The following FBXO11 variants were observed in gnomAD, a reference collection of about 807,000 sequenced individuals.
The protein encoded by FBXO11 is F-box protein 11, also known as F-box only protein 11.
In FBXO11, 13 loss-of-function variants were observed where a neutral mutation model predicts 117.0. That is an observed-to-expected ratio of 0.11 (90% confidence interval 0.07 to 0.18). FBXO11 has a LOEUF of 0.18. FBXO11 is among the 10% of genes least tolerant of loss of function. FBXO11 has a pLI of 1.00. For missense variants in FBXO11, 767 were observed against 1,164.4 expected (o/e 0.66, Z 4.97); for synonymous variants, 490 against 380.5 (o/e 1.29, Z -3.35).
At chr2:47,814,037 G>A in intron 16 of FBXO11, 170 bp from the exon 17 acceptor site, 1 of 551,304 alleles carries the variant, frequency 1.8e-6, no homozygotes. Flanking sequence ...GCTTAATCCT[G>A]TATTTCCCAC....
intron 1 of FBXO11, among the ~76,000 whole-genome samples, chr2:47,898,753 G>C (rs79209129): frequency 2.8e-4 from 42 of 152,280 alleles, no homozygotes; most frequent in South Asian, 1.2e-3. Context: ...AGATGGTATA[G>C]AACAGGGGAC....
chr2:47,853,323 G>C (rs1674022044), intron 1 of FBXO11, among the ~76,000 whole-genome samples: 1 of 151,926 alleles, frequency 6.6e-6, no homozygotes, highest in Non-Finnish European at 1.5e-5. Flanking sequence ...ACCTGCCTCG[G>C]CCTCCCACAG....
chr2:47,846,992 C>G (rs143335394), intron 1 of FBXO11, among the ~76,000 whole-genome samples: 52 of 152,268 alleles, frequency 3.4e-4, no homozygotes, highest in Admixed American at 1.2e-3. Context: ...CATCTGTAAT[C>G]CCTGCACTTT....
At chr2:47,895,939 C>T (rs1234343311) in intron 1 of FBXO11, among the ~76,000 whole-genome samples, 1 of 152,250 alleles carries the variant, frequency 6.6e-6, no homozygotes, top group East Asian at 1.9e-4. Flanking sequence ...TCGTGATCCA[C>T]TCGCCTCAGC....
At chr2:47,833,539 C>G (rs1211863920) in intron 7 of FBXO11, among the ~76,000 whole-genome samples, 1 of 152,132 alleles carries the variant, frequency 6.6e-6, no homozygotes, top group Non-Finnish European at 1.5e-5. Context: ...GCTGTAAATG[C>G]AAATTTCACT....
At chr2:47,834,130 A>G (rs549050327) in intron 7 of FBXO11, among the ~76,000 whole-genome samples, 1 of 152,316 alleles carries the variant, frequency 6.6e-6, no homozygotes, top group Admixed American at 6.5e-5. Context: ...TGGGCAAATC[A>G]CTTGAGGCCA....
At chr2:47,850,038 ACGAGTAAGGGAG>A (rs1673736132) in intron 1 of FBXO11, among the ~76,000 whole-genome samples, 1 of 152,222 alleles carries the variant, frequency 6.6e-6, no homozygotes, top group East Asian at 1.9e-4. Flanking sequence ...GTGGCAGGAG[ACGAGTAAGGGAG>A]CTACAGCACA....
rs542784980 is a variant in FBXO11 at position 47,844,497 on chromosome 2, C to CA, written c.233-4729dup. ...AGACCCCTTAGAACATATGCAGGAC[C>CA]AAAAGCCCCCTGTGCTATATACAGC... On this transcript the variant is annotated intron_variant, in intron 1 of 22. Coordinates refer to ENST00000403359, the MANE Select transcript of FBXO11 (RefSeq NM_001190274.2). Among the ~76,000 whole-genome samples the CA allele has an allele frequency of 1.4e-4, 21 of 151,458 alleles. No homozygotes were observed. The South Asian group carries it at 4.4e-3, about 32-fold the overall frequency.
At chr2:47,818,064 G>A (rs1351639670) in intron 16 of FBXO11, among the ~76,000 whole-genome samples, 6 of 152,226 alleles carry the variant, frequency 3.9e-5, no homozygotes, top group Non-Finnish European at 8.8e-5. Context: ...GCGGTGAGCC[G>A]AGATCGTGCC....
intron 1 of FBXO11, among the ~76,000 whole-genome samples, chr2:47,863,065 A>C (rs868697670): frequency 6.6e-6 from 1 of 151,454 alleles, no homozygotes; most frequent in Non-Finnish European, 1.5e-5. Flanking sequence ...CAAAAAAAAA[A>C]AAAAAACAAA....
intron 21 of FBXO11, 189 bp from the exon 22 acceptor site, chr2:47,808,616 C>G (rs1170067186): frequency 8.0e-6 from 4 of 501,720 alleles, no homozygotes; most frequent in African/African-American, 7.8e-5. Flanking sequence ...TCTGTGTCTT[C>G]GGAGGGAAGA....
chr2:47,904,770 AG>A (rs1014170888), intron 1 of FBXO11, among the ~76,000 whole-genome samples: 3 of 151,908 alleles, frequency 2.0e-5, no homozygotes, highest in Middle Eastern at 3.2e-3. Context: ...CACACGAGGG[AG>A]GGGGCTGGAA....
At chr2:47,888,193 A>G (rs1677009641) in intron 1 of FBXO11, among the ~76,000 whole-genome samples, 1 of 152,200 alleles carries the variant, frequency 6.6e-6, no homozygotes, top group South Asian at 2.1e-4. Flanking sequence ...TAAACAGATC[A>G]GTAGGTCCAA....
chr2:47,833,068 G>C lies in FBXO11; in HGVS notation c.937C>G (p.Pro313Ala), dbSNP rs745529478. The part of the protein sequence containing the change: ...ESPITMIGAA[P>A]GKVADKVIIE... Reference sequence around the variant, plus strand: ...ATAACTTTGTCTGCCACTTTCCCAGGTGCTGTGGAGAAGATATTTTAAAGA... The same window carrying C: ...ATAACTTTGTCTGCCACTTTCCCAGCTGCTGTGGAGAAGATATTTTAAAGA... Residue 313 changes from proline to alanine, a missense_variant and splice_region_variant, in exon 8 of 23, where the codon CCT (proline) becomes GCT (alanine). Transcript: ENST00000403359. 12 of 1,600,538 alleles carry C rather than the reference G, an allele frequency of 7.5e-6. No homozygotes were observed. Among genetic ancestry groups the C allele is most frequent in the Admixed American group, 5.0e-5 (3 of 59,840 alleles).
In FBXO11 at chr2:47,823,497, G is replaced by C. The variant is rs1467951033; in HGVS notation, c.1399-137C>G. 10 of 685,426 alleles carry C rather than the reference G, an allele frequency of 1.5e-5. No homozygotes were observed. The East Asian group carries it at 2.8e-4, about 19-fold the overall frequency. The allele number at this position is 685,426 out of a possible 1,614,324, so 42.5% of individuals were successfully genotyped here. A position where few individuals can be genotyped will look rare whatever the true frequency, so the allele number is the denominator to read the frequency against. On this transcript the variant is annotated intron_variant, in intron 11 of 22. Transcript: ENST00000403359. The stretch of plus-strand genomic sequence containing the variant: ...AGGCTGGGCGTGGTGACTCACGCCT[G>C]TTAATCCCAGCACTTTGGGAGCCCT...
At chr2:47,884,716 T>C (rs1676686325) in intron 1 of FBXO11, among the ~76,000 whole-genome samples, 1 of 150,400 alleles carries the variant, frequency 6.6e-6, no homozygotes, top group Admixed American at 6.6e-5. Flanking sequence ...TTTTGAAGTA[T>C]TTTTTAAAAG....
chr2:47,821,621 A>G (rs1572781978), intron 13 of FBXO11, among the ~76,000 whole-genome samples: 1 of 151,336 alleles, frequency 6.6e-6, no homozygotes, highest in South Asian at 2.1e-4. Flanking sequence ...AAAGAAAAAA[A>G]AAAAAAAGCA....
At chr2:47,869,023 C>A (rs546523046) in intron 1 of FBXO11, among the ~76,000 whole-genome samples, 2 of 152,286 alleles carry the variant, frequency 1.3e-5, no homozygotes, top group Non-Finnish European at 1.5e-5. Flanking sequence ...GATTCAGTTA[C>A]AACGTTAGCT....
intron 1 of FBXO11, among the ~76,000 whole-genome samples, chr2:47,856,273 C>T (rs1191068476): frequency 6.6e-6 from 1 of 152,126 alleles, no homozygotes; most frequent in Non-Finnish European, 1.5e-5. Flanking sequence ...CACACAGAGA[C>T]TTATAAAGTT....
Sources: gnomAD v4.1 joint callset for allele counts (sites outside exome capture counted in the v4.1 genomes callset) on GRCh38, gnomAD v4.1.1 for gene constraint, MANE v1.5 for transcripts, NCBI Gene and HGNC (gene_info 2026-07-23, HGNC 2026-07-21) for gene names.